The following TRPM8 variants were observed in gnomAD, a reference collection of about 807,000 sequenced individuals.
TRPM8 encodes the protein transient receptor potential cation channel subfamily M member 8.
A neutral mutation model predicts 133.7 loss-of-function variants in TRPM8; 110 were observed. The ratio of observed to expected loss-of-function variants is 0.82; its 90% CI spans 0.70 to 0.96. The LOEUF (loss-of-function observed/expected upper bound fraction) is 0.96. Among genes scored for constraint, TRPM8 ranks in the 40% least tolerant of loss-of-function variants. The pLI is 0.00. For synonymous variants in TRPM8, 535 were observed against 532.3 expected (o/e 1.01, Z -0.07); for missense variants, 1,291 against 1,379.5 (o/e 0.94, Z 1.02).
chr2:233,942,224 C>T (rs958872633), intron 5 of TRPM8, among the ~76,000 whole-genome samples: 33 of 151,922 alleles, frequency 2.2e-4, no homozygotes, highest in African/African-American at 8.0e-4. Context: ...GGATTACAGG[C>T]GGCCATCACC....
Position 233,981,854 on chromosome 2 carries a change from T to C in TRPM8, c.2528T>C (p.Leu843Ser). The stretch of plus-strand genomic sequence containing the variant: ...GACTACATTATTTTCACTCTAAGAT[T>C]GATCCACATTTTTACTGTAAGCAGA... ...CLDYIIFTLR[L>S]IHIFTVSRNL... Residue 843 changes from leucine (L) to serine (S), a missense_variant, in exon 19 of 26, where the codon TTG becomes TCG. This residue lies in a region of TRPM8 where 328 missense variants were observed against 410.6 expected (regional missense o/e 0.80). Coordinates refer to ENST00000324695, the MANE Select transcript of TRPM8 (RefSeq NM_024080.5). 1 of 1,613,908 alleles carries C rather than the reference T, an allele frequency of 6.2e-7. No homozygotes were observed. Among genetic ancestry groups the C allele is most frequent in the Non-Finnish European group, 8.5e-7 (1 of 1,179,938 alleles).
At chr2:233,966,929 T>C (rs1172237962) in intron 15 of TRPM8, among the ~76,000 whole-genome samples, 174 bp downstream of exon 15, 1 of 152,204 alleles carries the variant, frequency 6.6e-6, no homozygotes, top group Non-Finnish European at 1.5e-5. Flanking sequence ...TTGGTCGAAA[T>C]CCATGCTTTA....
At chr2:233,957,710 A>C (rs1355005580) in intron 11 of TRPM8, among the ~76,000 whole-genome samples, 1 of 152,186 alleles carries the variant, frequency 6.6e-6, no homozygotes, top group African/African-American at 2.4e-5. Flanking sequence ...TGGAGATGCT[A>C]TACAATGGTG....
chr2:233,927,763 TTTCTTTCTTTCTTTCTTTCTTTCTTTC>T (rs1691558074), intron 2 of TRPM8, among the ~76,000 whole-genome samples: 1 of 69,288 alleles, frequency 1.4e-5, no homozygotes, highest in Non-Finnish European at 2.2e-5. Context: ...TCTTTCTTTC[TTTCTTTCTTTCTTTCTTTCTTTCTTTC>T]TTTTCTTTCC....
chr2:233,973,541 A>G (rs988058877), intron 17 of TRPM8, among the ~76,000 whole-genome samples: 1 of 152,208 alleles, frequency 6.6e-6, no homozygotes. Flanking sequence ...GGGTCACCCT[A>G]CTTCAGCATG....
chr2:233,926,180 C>G (rs1454123309), intron 1 of TRPM8, among the ~76,000 whole-genome samples: 2 of 152,232 alleles, frequency 1.3e-5, no homozygotes, highest in Non-Finnish European at 2.9e-5. Flanking sequence ...CTGCAAGCCC[C>G]TCAGATGGAG....
At position 234,010,102 on chromosome 2, in the gene TRPM8, A is replaced by C. The variant is rs907178563; in HGVS notation, c.3264+1999A>C. Among the ~76,000 whole-genome samples, 61 of 152,276 alleles carry C rather than the reference A, an allele frequency of 4.0e-4. 1 individual carries two copies. Among genetic ancestry groups the C allele is most frequent in the African/African-American group, 1.4e-3 (59 of 41,546 alleles). On this transcript the variant is annotated intron_variant, in intron 24 of 25. Coordinates refer to ENST00000324695, the MANE Select transcript of TRPM8 (RefSeq NM_024080.5). ...AGAATTTATTTATCTTGCATAACAGAAACTTTCTGCCCTTTGACCAATATC... is the reference window on the plus strand; with the variant it reads ...AGAATTTATTTATCTTGCATAACAGCAACTTTCTGCCCTTTGACCAATATC...
At chr2:234,000,394 C>A (rs760841908) in intron 22 of TRPM8, among the ~76,000 whole-genome samples, 4 of 152,164 alleles carry the variant, frequency 2.6e-5, no homozygotes, top group African/African-American at 9.7e-5. Flanking sequence ...CAGGCATGAG[C>A]CACTGCGCCC....
chr2:233,996,080 A>AT (rs1002633655), intron 21 of TRPM8, among the ~76,000 whole-genome samples: 4 of 149,132 alleles, frequency 2.7e-5, no homozygotes, highest in Admixed American at 2.0e-4. Context: ...TTTGTTGAGC[A>AT]TTTTTTTGTG....
chr2:233,985,747 G>A lies in TRPM8; in HGVS notation c.2821G>A (p.Val941Met), dbSNP rs1692130905. Reference protein sequence around the residue: ...FTGNESKPLCVELDEHNLPRF... With the variant: ...FTGNESKPLCMELDEHNLPRF... ...TGGGAATGAGTCCAAGCCACTGTGTGTGGAGCTGGATGAGCACAACCTGCC... is the reference window on the plus strand; with the variant it reads ...TGGGAATGAGTCCAAGCCACTGTGTATGGAGCTGGATGAGCACAACCTGCC... Residue 941 changes from valine to methionine, a missense_variant, in exon 21 of 26, where the codon GTG becomes ATG. By Grantham distance (21) the Val-to-Met change is conservative. Coordinates refer to ENST00000324695, the MANE Select transcript of TRPM8 (RefSeq NM_024080.5). 2 of 1,614,228 alleles carry A rather than the reference G, an allele frequency of 1.2e-6. No individual in the cohort carries two copies. Among genetic ancestry groups the A allele is most frequent in the East Asian group, 4.5e-5 (2 of 44,876 alleles).
Position 233,937,390 on chromosome 2 carries a change from C to G in TRPM8, c.229C>G (p.His77Asp). 1.9e-6 allele frequency: 3 copies of G among 1,614,170 alleles called. No individual in the cohort carries two copies. The highest frequency in any genetic ancestry group is 1.7e-6 in the Non-Finnish European group (2 of 1,180,042). ...VCKCGYAQSQ[H>D]MEGTQINQSE... ...CAAGTGTGGCTATGCCCAGAGCCAG[C>G]ACATGGAAGGCACCCAGATCAACCA... Residue 77 changes from histidine to aspartate, a missense_variant, in exon 4 of 26, where the codon CAC (histidine) becomes GAC (aspartate). By Grantham distance (81) the His-to-Asp change is moderately conservative (BLOSUM62 -1). Transcript: ENST00000324695.
intron 22 of TRPM8, among the ~76,000 whole-genome samples, chr2:233,997,252 CGACAGAGTGA>C (rs1692430910): frequency 6.6e-6 from 1 of 151,936 alleles, no homozygotes; most frequent in East Asian, 1.9e-4. Flanking sequence ...CCAGCCTGGG[CGACAGAGTGA>C]GACTCCGTCT....
rs1023331112 is a variant in TRPM8, at chr2:234,019,411, C to A, written c.*2155C>A. ...TTGAACATACTTCTAATCAAAGGTG[C>A]TATGTCCTTGTGTATGGTACTAAAT... is the stretch of plus-strand genomic sequence containing the variant. On this transcript the variant is annotated 3_prime_UTR_variant, in exon 26 of 26. Transcript: ENST00000324695. 6.6e-6 allele frequency: 1 copy of A among 152,156 alleles called. No homozygotes were observed. The highest frequency in any genetic ancestry group is 2.1e-4 in the South Asian group (1 of 4,830). 9.4% of individuals were successfully genotyped at this position (152,156 alleles called of 1,614,324 possible). A position where few individuals can be genotyped will look rare whatever the true frequency, so the allele number is the denominator to read the frequency against.
At chr2:233,982,789 A>C (rs1409365665) in intron 19 of TRPM8, among the ~76,000 whole-genome samples, 1 of 152,202 alleles carries the variant, frequency 6.6e-6, no homozygotes, top group Non-Finnish European at 1.5e-5. Flanking sequence ...GCTCCCACTC[A>C]GAAAGCTGCT....
At chr2:233,979,249 C>T (rs1032579663) in intron 17 of TRPM8, among the ~76,000 whole-genome samples, 3 of 152,204 alleles carry the variant, frequency 2.0e-5, no homozygotes, top group South Asian at 2.1e-4. Flanking sequence ...CGTAGGGCCT[C>T]GGTCTCATCC....
chr2:234,017,195 A>G (rs1692976507), intron 25 of TRPM8, 104 bp from the exon 26 acceptor site: 1 of 403,494 alleles, frequency 2.5e-6, no homozygotes, highest in Non-Finnish European at 5.0e-6. Flanking sequence ...ATTTGGATCT[A>G]TTCCCAGTAT....
chr2:233,949,479 T>C (rs1177635230), intron 8 of TRPM8, among the ~76,000 whole-genome samples: 1 of 152,250 alleles, frequency 6.6e-6, no homozygotes, highest in Non-Finnish European at 1.5e-5. Flanking sequence ...GAGGGAAATA[T>C]GTGAGTAAAC....
intron 1 of TRPM8, among the ~76,000 whole-genome samples, chr2:233,918,078 C>A (rs372819067): frequency 7.9e-5 from 12 of 152,078 alleles, no homozygotes; most frequent in African/African-American, 2.9e-4. Context: ...TCCATTATTG[C>A]CAGTGCTGAC....
intron 17 of TRPM8, among the ~76,000 whole-genome samples, chr2:233,978,017 ATGCAGGTGTTT>A (rs2125262931): frequency 6.6e-6 from 1 of 151,970 alleles, no homozygotes; most frequent in African/African-American, 2.4e-5. Flanking sequence ...ATATGAATGT[ATGCAGGTGTTT>A]TGTTTGTTTT....
Sources: allele counts gnomAD v4.1 joint callset (sites outside exome capture counted in the v4.1 genomes callset), GRCh38; gene constraint gnomAD v4.1.1; regional missense constraint gnomAD v4.1.1; transcripts MANE v1.5; gene names NCBI Gene and HGNC (gene_info 2026-07-23, HGNC 2026-07-21).